Variants in HMGB3 observed in about 807,000 individuals in gnomAD.
The protein encoded by HMGB3 is high mobility group protein B3.
A neutral mutation model predicts 12.9 loss-of-function variants in HMGB3; 1 was observed. The ratio of observed to expected loss-of-function variants is 0.08; its 90% CI spans 0.03 to 0.37. The LOEUF is 0.37. Ranked by LOEUF, HMGB3 falls within the 10% of genes least tolerant of loss-of-function variation. The pLI is 0.99. For missense variants in HMGB3, 74 were observed against 153.3 expected (o/e 0.48, Z 2.73); for synonymous variants, 61 against 53.9 (o/e 1.13, Z -0.57).
At chrX:150,985,387 T>G in intron 1 of HMGB3, 2 of 347,340 alleles carry the variant, frequency 5.8e-6, no homozygotes, top group East Asian at 8.4e-5. Context: ...GCGCGCTTCG[T>G]GCTGGTCAAA....
At chrX:150,985,918 G>T in intron 2 of HMGB3, 133 bp from the exon 3 acceptor site, 2 of 815,370 alleles carry the variant, frequency 2.5e-6, no homozygotes, top group Non-Finnish European at 3.5e-6. Context: ...TTTTTTTAAG[G>T]CCCTGCACAG....
rs1557425334 is a variant in HMGB3, at chrX:150,989,021, A to G, written c.*1107A>G. On this transcript the variant is annotated 3_prime_UTR_variant, in exon 5 of 5. Coordinates refer to ENST00000325307, the MANE Select transcript of HMGB3 (RefSeq NM_005342.4). ...ATAGGCAAGGTTCAGCAGCCTTCCA[A>G]GGTATAGGAAGGTGGGTGATTAGGA... 1 of 111,562 alleles carries G rather than the reference A, an allele frequency of 9.0e-6. No individual in the cohort carries two copies. Among genetic ancestry groups the G allele is most frequent in the African/African-American group, 3.3e-5 (1 of 30,676 alleles). The allele number at this position is 111,562 out of a possible 1,213,427, so 9.2% of individuals were successfully genotyped here. A position where few individuals can be genotyped will look rare whatever the true frequency, so the allele number is the denominator to read the frequency against.
In HMGB3 at chrX:150,987,992, T is replaced by C; in HGVS notation, c.*78T>C. The stretch of plus-strand genomic sequence containing the variant: ...ATTGACACATCTCTTATTTGAGAAG[T>C]GTCTGTTGCCCTCATTAGGTTTAAT... On this transcript the variant is annotated 3_prime_UTR_variant, in exon 5 of 5. Transcript: ENST00000325307. 9.0e-7 allele frequency: 1 copy of C among 1,110,445 alleles called. No homozygotes were observed. Among genetic ancestry groups the C allele is most frequent in the Non-Finnish European group, 1.2e-6 (1 of 838,302 alleles). The allele number at this position is 1,110,445 out of a possible 1,213,427, so 91.5% of individuals were successfully genotyped here. A position where few individuals can be genotyped will look rare whatever the true frequency, so the allele number is the denominator to read the frequency against.
intron 4 of HMGB3, 105 bp from the exon 5 acceptor site, chrX:150,987,668 TCTTA>T: frequency 3.4e-6 from 2 of 596,931 alleles, no homozygotes; most frequent in East Asian, 3.3e-5. Flanking sequence ...AGCAGCACTG[TCTTA>T]CTTGATTTCA....
Position 150,989,903 on chromosome X carries a change from T to C in HMGB3, c.*1989T>C, listed in dbSNP as rs781914625. 5.4e-5 allele frequency: 6 copies of C among 111,994 alleles called. No homozygotes were observed. Among genetic ancestry groups the C allele is most frequent in the Admixed American group, 9.5e-5 (1 of 10,513 alleles). 9.2% of individuals were successfully genotyped at this position (111,994 alleles called of 1,213,427 possible). ...GTCACGGTCACAGCCTGATCTCTTA[T>C]GTGTTCATAGCCATTCGCTCTCCCA... On this transcript the variant is annotated 3_prime_UTR_variant, in exon 5 of 5. Transcript: ENST00000325307.
Position 150,988,772 on chromosome X carries a change from CTT to C in HMGB3, c.*859_*860del, listed in dbSNP as rs1180644975. ...TAAACAGTATTACATTTTTAAAACT[CTT>C]CTCTATTATAACAGTCAATTTCTGA... On this transcript the variant is annotated 3_prime_UTR_variant, in exon 5 of 5. Transcript: ENST00000325307. 49 of 112,170 alleles carry C rather than the reference CTT, an allele frequency of 4.4e-4. No individual in the cohort carries two copies. Among genetic ancestry groups the C allele is most frequent in the African/African-American group, 1.4e-3 (44 of 30,880 alleles). 9.2% of individuals were successfully genotyped at this position (112,170 alleles called of 1,213,427 possible).
At position 150,989,160 on chromosome X, in the gene HMGB3, ATTGT is replaced by A. The variant is rs1254842699; in HGVS notation, c.*1249_*1252del. On this transcript the variant is annotated 3_prime_UTR_variant, in exon 5 of 5. Coordinates refer to ENST00000325307, the MANE Select transcript of HMGB3 (RefSeq NM_005342.4). ...ATGGTGTGTCAAAAATTAAGGCCTT[ATTGT>A]TTTTCTCTTTCACCCCTACCCCCCG... 2 of 111,353 alleles carry A rather than the reference ATTGT, an allele frequency of 1.8e-5. No individual in the cohort carries two copies. Among genetic ancestry groups the A allele is most frequent in the African/African-American group, 6.5e-5 (2 of 30,610 alleles). 9.2% of individuals were successfully genotyped at this position (111,353 alleles called of 1,213,427 possible).
At chrX:150,983,398 CCCGCCG>C (rs782215936) in intron 1 of HMGB3, 22 bp downstream of exon 1, 7,827 of 703,588 alleles carry the variant, frequency 0.011, 75 homozygotes, top group African/African-American at 0.042. Flanking sequence ...ACCGCCCGCT[CCCGCCG>C]CCGCCGCCGC....
chrX:150,987,096 G>T (rs782529294), intron 3 of HMGB3, 32 bp from the exon 4 acceptor site: 1 of 1,124,052 alleles, frequency 8.9e-7, no homozygotes, highest in Non-Finnish European at 1.2e-6. Context: ...ATTTTTTGTG[G>T]TTTCTCATGT....
chrX:150,982,754 G>C (rs990481305), upstream of HMGB3, among the ~76,000 whole-genome samples: 2 of 113,382 alleles, frequency 1.8e-5, no homozygotes, highest in African/African-American at 6.4e-5. Flanking sequence ...CGAGATCCGA[G>C]GACTAAATCC....
At position 150,987,803 on chromosome X, in the gene HMGB3, A is replaced by G; in HGVS notation, c.492A>G (p.Gly164=). The change falls in exon 5 of 5, where the codon GGA becomes GGG. Residue 164 remains glycine (G), a synonymous_variant. Transcript: ENST00000325307. ...EKDVADYKSK[G]KFDGAKGPAK... ...ATGTTGCTGACTATAAGTCGAAAGG[A>G]AAGTTTGATGGTGCAAAGGGTCCTG... The G allele has an allele frequency of 8.3e-7, 1 of 1,207,346 alleles. No homozygotes were observed. The highest frequency in any genetic ancestry group is 1.1e-6 in the Non-Finnish European group (1 of 894,086).
intron 1 of HMGB3, chrX:150,983,644 C>T (rs2048013370): frequency 4.1e-6 from 3 of 736,934 alleles, no homozygotes; most frequent in Non-Finnish European, 4.8e-6. Flanking sequence ...CGGGGGTCGG[C>T]CCCCTCGGCG....
intron 4 of HMGB3, 134 bp downstream of exon 4, chrX:150,987,436 C>T (rs2048064520): frequency 2.0e-6 from 1 of 503,393 alleles, no homozygotes; most frequent in South Asian, 5.2e-5. Flanking sequence ...TGCAAGGTAG[C>T]TACGGGTGCT....
intron 1 of HMGB3, among the ~76,000 whole-genome samples, chrX:150,985,253 C>A (rs1247913087): frequency 8.9e-6 from 1 of 111,912 alleles, no homozygotes. Flanking sequence ...CTCTCTCTAC[C>A]CTTCCCACTT....
chrX:150,983,701 GC>G, intron 1 of HMGB3: 1 of 388,336 alleles, frequency 2.6e-6, no homozygotes, highest in Non-Finnish European at 3.3e-6. Context: ...GGAACCCAGG[GC>G]CCCCGAGGCC....
At chrX:150,980,567 G>C (rs1207168537), upstream of HMGB3, 4 of 726,882 alleles carry the variant, frequency 5.5e-6, no homozygotes, top group African/African-American at 9.2e-5. Flanking sequence ...GCTTTCTTGA[G>C]AGCAGAGATC....
upstream of HMGB3, among the ~76,000 whole-genome samples, chrX:150,981,012 T>C (rs2047989572): frequency 9.0e-6 from 1 of 111,548 alleles, no homozygotes; most frequent in Non-Finnish European, 1.9e-5. Flanking sequence ...CTGGCAACCT[T>C]GAGAGGCTAG....
chrX:150,980,578 G>A (rs2047987211), upstream of HMGB3: 1 of 742,628 alleles, frequency 1.3e-6, no homozygotes, highest in Non-Finnish European at 1.6e-6. Flanking sequence ...AGCAGAGATC[G>A]AAATATTTCC....
chrX:150,984,494 C>T (rs2048029232), intron 1 of HMGB3: 1 of 191,001 alleles, frequency 5.2e-6, no homozygotes, highest in East Asian at 2.7e-4. Flanking sequence ...GCCGCGGCTG[C>T]CGCCGGCCCG....
Sources: allele counts gnomAD v4.1 joint callset (sites outside exome capture counted in the v4.1 genomes callset), GRCh38; gene constraint gnomAD v4.1.1; transcripts MANE v1.5; gene names NCBI Gene and HGNC (gene_info 2026-07-23, HGNC 2026-07-21).